The following CFAP92 variants were observed in gnomAD, a reference collection of about 807,000 sequenced individuals.
CFAP92 encodes cilia and flagella associated protein 92 (putative), also known as uncharacterized protein CFAP92.
CFAP92 carries 86 observed loss-of-function variants against 106.3 expected under a neutral mutation model. The observed-to-expected ratio is 0.81, with a 90% CI of 0.68 to 0.97. CFAP92 has a LOEUF of 0.97. CFAP92 is among the 50% of genes least tolerant of loss of function. CFAP92 has a pLI of 0.00. For synonymous variants in CFAP92, 477 were observed against 506.4 expected, an observed-to-expected ratio of 0.94 and a Z score of 0.78; for missense variants, 1,204 against 1,283.8, an observed-to-expected ratio of 0.94 and a Z score of 0.95.
At chr3:128,975,081 C>G (rs1943060644) in intron 7 of CFAP92, among the ~76,000 whole-genome samples, 1 of 150,726 alleles carries the variant, frequency 6.6e-6, no homozygotes, top group Admixed American at 6.6e-5. Context: ...GACTGCACAA[C>G]TGCACTCCAG....
At chr3:128,927,667 T>C (rs954351080) in intron 12 of CFAP92, among the ~76,000 whole-genome samples, 16 of 148,376 alleles carry the variant, frequency 1.1e-4, no homozygotes, top group African/African-American at 3.8e-4. Flanking sequence ...GAGCTTGCAG[T>C]GAGCGGAGAT....
At chr3:128,911,392 C>T (rs1308326490) in intron 15 of CFAP92, among the ~76,000 whole-genome samples, 1 of 152,012 alleles carries the variant, frequency 6.6e-6, no homozygotes, top group Non-Finnish European at 1.5e-5. Context: ...AAGTGCAGAG[C>T]CCTTTGCGCA....
rs866920940 is a variant in CFAP92, at chr3:128,945,486, G to C, written c.1843C>G (p.His615Asp). 1 of 1,536,148 alleles carries C rather than the reference G, an allele frequency of 6.5e-7. No homozygotes were observed. The highest frequency in any genetic ancestry group is 1.2e-5 in the South Asian group (1 of 84,060). Residue 615 changes from histidine (H) to aspartate (D), a missense_variant, in exon 10 of 16, where the codon CAC (histidine) becomes GAC (aspartate). Transcript: ENST00000645291. ...CCCCTGGGCATTGGGCCGTGCTGGT[G>C]GCCATCTCTGGGGACCCCAAGCCCC... ...VVGLGVPRDG[H>D]QHGPMPRGNY...
At chr3:129,025,107 C>T in the CFAP92 span, among the ~76,000 whole-genome samples, 1 of 152,178 alleles carries the variant, frequency 6.6e-6, no homozygotes, top group South Asian at 2.1e-4. Context: ...CAGTTAAGTT[C>T]GGGCGCTTGT....
intron 10 of CFAP92, among the ~76,000 whole-genome samples, chr3:128,941,543 C>T (rs901293673): frequency 6.6e-6 from 1 of 152,170 alleles, no homozygotes; most frequent in African/African-American, 2.4e-5. Context: ...GTGGCATGAT[C>T]TTGGCTCACT....
At chr3:128,961,046 A>G (rs903649330) in intron 9 of CFAP92, among the ~76,000 whole-genome samples, 3 of 152,058 alleles carry the variant, frequency 2.0e-5, no homozygotes, top group Admixed American at 2.0e-4. Context: ...CAAGAACTTA[A>G]AACCTCTTCA....
chr3:128,930,467 A>G (rs1171233849), intron 12 of CFAP92, among the ~76,000 whole-genome samples: 1 of 151,082 alleles, frequency 6.6e-6, no homozygotes, highest in African/African-American at 2.4e-5. Context: ...ATCTTTAAAA[A>G]CCCTTCCTCA....
chr3:128,910,887 A>G, intron 15 of CFAP92: 1 of 1,550,346 alleles, frequency 6.5e-7, no homozygotes, highest in Non-Finnish European at 8.9e-7. Context: ...CTGTTTCTGG[A>G]CCCTGTCAAG....
chr3:128,989,070 A>G (rs1427119852), intron 2 of CFAP92, among the ~76,000 whole-genome samples, 152 bp from the exon 3 acceptor site: 6 of 152,282 alleles, frequency 3.9e-5, no homozygotes, highest in Middle Eastern at 3.4e-3. Context: ...CAGTGCTCCT[A>G]GCCAGCAGAG....
At chr3:129,020,791 G>T in the CFAP92 span, among the ~76,000 whole-genome samples, 1 of 152,192 alleles carries the variant, frequency 6.6e-6, no homozygotes, top group Non-Finnish European at 1.5e-5. Flanking sequence ...TCCAGGGGAG[G>T]GAGCCAGGAA....
chr3:129,022,485 C>T, the CFAP92 span, among the ~76,000 whole-genome samples: 2 of 152,330 alleles, frequency 1.3e-5, no homozygotes, highest in African/African-American at 2.4e-5. Context: ...AGAGCAACAT[C>T]TGGCCCTTGT....
intron 2 of CFAP92, among the ~76,000 whole-genome samples, chr3:128,992,359 C>A (rs1481414826): frequency 6.6e-6 from 1 of 151,874 alleles, no homozygotes; most frequent in Non-Finnish European, 1.5e-5. Context: ...GTCAGGGGTT[C>A]GAGACCATTC....
At chr3:129,012,154 T>G in the CFAP92 span, among the ~76,000 whole-genome samples, 1 of 152,232 alleles carries the variant, frequency 6.6e-6, no homozygotes, top group Admixed American at 6.5e-5. Context: ...CACATTTTCT[T>G]TGGTGTCTTG....
intron 4 of CFAP92, among the ~76,000 whole-genome samples, chr3:128,979,947 A>ATATATAT (rs1553758975): frequency 7.8e-6 from 1 of 128,306 alleles, no homozygotes; most frequent in African/African-American, 3.0e-5. Flanking sequence ...AAAGTATAAT[A>ATATATAT]ATATATATAT....
Position 128,932,888 on chromosome 3 carries a change from G to C in CFAP92, c.2563C>G (p.Leu855Val), listed in dbSNP as rs777503435. ...KDLSQEFGMP[L>V]SQEELTDEKL... ...TCATCTGTGAGTTCTTCTTGCGAAA[G>C]GGGCATCCCAAACTCTTGGCTCAAG... Residue 855 changes from leucine to valine, a missense_variant, in exon 12 of 16, where the codon CTT (leucine) becomes GTT (valine). Leu to Val is a conservative substitution (Grantham distance 32). Transcript: ENST00000645291. 5 of 1,536,056 alleles carry C rather than the reference G, an allele frequency of 3.3e-6. No homozygotes were observed. Among genetic ancestry groups the C allele is most frequent in the Non-Finnish European group, 3.5e-6 (4 of 1,146,936 alleles).
the CFAP92 span, among the ~76,000 whole-genome samples, chr3:129,022,258 A>C: frequency 6.6e-6 from 1 of 152,238 alleles, no homozygotes; most frequent in Admixed American, 6.5e-5. Context: ...AGTCCCCAGC[A>C]GTGTTGACTG....
chr3:128,928,720 G>A (rs752900044), intron 12 of CFAP92, among the ~76,000 whole-genome samples: 1 of 152,070 alleles, frequency 6.6e-6, no homozygotes. Flanking sequence ...AATGATCTTC[G>A]TAACTTTAAG....
the CFAP92 span, among the ~76,000 whole-genome samples, chr3:129,010,928 A>T: frequency 6.6e-6 from 1 of 152,232 alleles, no homozygotes; most frequent in Non-Finnish European, 1.5e-5. The surrounding 1 kb of genome is among the most constrained non-coding windows in gnomAD (Gnocchi z 4.3). Context: ...GGCCCAGCCC[A>T]ACCTGGCTTT....
At chr3:128,995,454 T>C (rs1944444344), upstream of CFAP92, among the ~76,000 whole-genome samples, 1 of 152,166 alleles carries the variant, frequency 6.6e-6, no homozygotes, top group African/African-American at 2.4e-5. Context: ...CTGCTGTCTG[T>C]ATGCCAGGAA....
Sources: allele counts gnomAD v4.1 joint callset (sites outside exome capture counted in the v4.1 genomes callset), GRCh38; gene constraint gnomAD v4.1.1; non-coding constraint Gnocchi (gnomAD v3.1); transcripts MANE v1.5; gene names NCBI Gene and HGNC (gene_info 2026-07-23, HGNC 2026-07-21).